The following SGCZ variants were observed in gnomAD, a reference collection of about 807,000 sequenced individuals.
SGCZ encodes sarcoglycan zeta, also known as zeta-sarcoglycan.
Under a neutral mutation model 41.3 loss-of-function variants are expected in SGCZ, and 40 were observed. The observed-to-expected ratio is 0.97, with a 90% CI of 0.75 to 1.26. SGCZ has a LOEUF of 1.26. Ranked by LOEUF, SGCZ falls within the 50% of genes most tolerant of loss-of-function variation. SGCZ has a pLI of 0.00. For synonymous variants in SGCZ, 206 were observed against 137.5 expected (o/e 1.50, Z -3.49); for missense variants, 552 against 369.8 (o/e 1.49, Z -4.04).
At chr8:14,531,858 A>C (rs1225542818) in intron 2 of SGCZ, among the ~76,000 whole-genome samples, 2 of 152,092 alleles carry the variant, frequency 1.3e-5, no homozygotes, top group African/African-American at 4.8e-5. Context: ...AGGAAGCAAG[A>C]GATTAAATAA....
intron 1 of SGCZ, among the ~76,000 whole-genome samples, chr8:14,747,484 T>G (rs889573297): frequency 1.3e-5 from 2 of 152,164 alleles, no homozygotes; most frequent in African/African-American, 4.8e-5. Context: ...CTTATATCCG[T>G]GCACATGCCA....
chr8:14,153,162 A>G (rs1421595202), intron 5 of SGCZ, among the ~76,000 whole-genome samples: 1 of 152,200 alleles, frequency 6.6e-6, no homozygotes, highest in African/African-American at 2.4e-5. Flanking sequence ...TACCATTGAG[A>G]AAAACTAGGT....
chr8:14,435,927 G>A (rs1408927049), intron 2 of SGCZ, among the ~76,000 whole-genome samples: 2 of 152,168 alleles, frequency 1.3e-5, no homozygotes, highest in Non-Finnish European at 2.9e-5. Flanking sequence ...AAGGGTAACT[G>A]AACAAAGAAT....
At chr8:14,668,404 A>C (rs771168336) in intron 1 of SGCZ, among the ~76,000 whole-genome samples, 1 of 152,230 alleles carries the variant, frequency 6.6e-6, no homozygotes, top group Non-Finnish European at 1.5e-5. Context: ...TTAAAAAAAT[A>C]AGACCTCAGG....
chr8:14,819,012 A>G (rs574305026), intron 1 of SGCZ, among the ~76,000 whole-genome samples: 5 of 152,124 alleles, frequency 3.3e-5, no homozygotes, highest in Non-Finnish European at 5.9e-5. Context: ...AAAACATTCT[A>G]TGTATTGGGA....
intron 1 of SGCZ, among the ~76,000 whole-genome samples, chr8:14,914,056 A>G (rs182667472): frequency 5.9e-4 from 90 of 152,268 alleles, no homozygotes; most frequent in African/African-American, 2.0e-3. Context: ...ACATATGTAT[A>G]TAGATGATCT....
chr8:14,512,611 C>T (rs1159816172), intron 2 of SGCZ, among the ~76,000 whole-genome samples: 1 of 134,404 alleles, frequency 7.4e-6, no homozygotes, highest in East Asian at 2.3e-4. Flanking sequence ...AGGTACAAGG[C>T]ATTACACCTG....
chr8:15,182,061 A>G (rs1211251061), intron 1 of SGCZ, among the ~76,000 whole-genome samples: 1 of 152,152 alleles, frequency 6.6e-6, no homozygotes, highest in Non-Finnish European at 1.5e-5. Context: ...AGAGGAAACC[A>G]TTTTATTCAT....
At chr8:14,926,606 A>G (rs1010848196) in intron 1 of SGCZ, among the ~76,000 whole-genome samples, 2 of 146,154 alleles carry the variant, frequency 1.4e-5, no homozygotes, top group East Asian at 2.0e-4. Context: ...CTCAGTAGAC[A>G]GTTTTTTGTT....
chr8:14,348,470 C>G (rs1345192430), intron 2 of SGCZ, among the ~76,000 whole-genome samples: 1 of 152,052 alleles, frequency 6.6e-6, no homozygotes, highest in Non-Finnish European at 1.5e-5. Context: ...TACCATTATG[C>G]AGTATATTTG....
intron 1 of SGCZ, among the ~76,000 whole-genome samples, chr8:14,639,514 A>C (rs1315997306): frequency 6.6e-6 from 1 of 151,786 alleles, no homozygotes; most frequent in African/African-American, 2.4e-5. Context: ...AAATCAGTAG[A>C]TTTCAAAATA....
intron 1 of SGCZ, among the ~76,000 whole-genome samples, chr8:14,708,262 C>G (rs17116195): frequency 6.6e-6 from 1 of 151,800 alleles, no homozygotes; most frequent in Admixed American, 6.6e-5. Context: ...AATTTCTTCA[C>G]GTTAGGTATG....
intron 2 of SGCZ, among the ~76,000 whole-genome samples, chr8:14,357,933 A>G (rs1803354320): frequency 6.6e-6 from 1 of 152,216 alleles, no homozygotes. Flanking sequence ...TGATTCCATG[A>G]CAAACTTTCT....
At chr8:15,155,381 T>C (rs73527041) in intron 1 of SGCZ, among the ~76,000 whole-genome samples, 1,528 of 152,310 alleles carry the variant, frequency 0.01, 24 homozygotes, top group African/African-American at 0.034. Flanking sequence ...TATGCATGTA[T>C]TGAAATATCA....
chr8:14,171,119 G>C (rs1585198785), intron 4 of SGCZ, among the ~76,000 whole-genome samples: 1 of 141,962 alleles, frequency 7.0e-6, no homozygotes, highest in Non-Finnish European at 1.5e-5. Flanking sequence ...ATTGCATCTT[G>C]TTACTTTTTA....
chr8:14,184,241 A>G (rs950322440), intron 4 of SGCZ, among the ~76,000 whole-genome samples: 1 of 152,186 alleles, frequency 6.6e-6, no homozygotes, highest in Non-Finnish European at 1.5e-5. Context: ...GCAAATGTGT[A>G]CAGATTATCT....
rs138425474 is a variant in SGCZ at position 14,520,149 on chromosome 8, C to A, written c.234+34583G>T. 3.4e-3 allele frequency among the ~76,000 whole-genome samples: 512 copies of A among 152,182 alleles called. 2 individuals are homozygous for A. The highest frequency in any genetic ancestry group is 4.7e-3 in the Non-Finnish European group (321 of 68,006). ...GCCAAGTCCTCTAAGGTATACAATA[C>A]ATTAGCAAGTTGCAATTTGGTTCAC... On this transcript the variant is annotated intron_variant, in intron 2 of 7. Transcript: ENST00000382080.
intron 1 of SGCZ, among the ~76,000 whole-genome samples, chr8:14,593,952 A>G (rs1007454785): frequency 3.3e-5 from 5 of 152,038 alleles, no homozygotes; most frequent in African/African-American, 7.2e-5. Flanking sequence ...AGATTGGTGG[A>G]TCACTTGAGG....
At chr8:14,921,306 G>A (rs773600456) in intron 1 of SGCZ, among the ~76,000 whole-genome samples, 1 of 152,110 alleles carries the variant, frequency 6.6e-6, no homozygotes, top group Admixed American at 6.6e-5. Flanking sequence ...GATTAGTATA[G>A]TGGTTAGATT....
Sources: gnomAD v4.1 joint callset for allele counts (sites outside exome capture counted in the v4.1 genomes callset) on GRCh38, gnomAD v4.1.1 for gene constraint, MANE v1.5 for transcripts, NCBI Gene and HGNC (gene_info 2026-07-23, HGNC 2026-07-21) for gene names.